HIVEP3: variants seen among roughly 807,000 people sequenced by gnomAD.
The protein encoded by HIVEP3 is transcription factor HIVEP3.
Under a neutral mutation model 152.8 loss-of-function variants are expected in HIVEP3, and 49 were observed. That is an observed-to-expected ratio of 0.32 (90% CI 0.26 to 0.41). The LOEUF (loss-of-function observed/expected upper bound fraction) is 0.41, where lower values mean the gene tolerates loss of function less well. HIVEP3 is among the 10% of genes least tolerant of loss of function. The probability of loss-of-function intolerance (pLI) is 1.00; values close to 1 mark genes in which losing one functional copy is unlikely to be tolerated. For synonymous variants in HIVEP3, 1,269 were observed against 1,289.0 expected, an observed-to-expected ratio of 0.98 and a Z score of 0.33; for missense variants, 2,790 against 3,103.3, an observed-to-expected ratio of 0.90 and a Z score of 2.40.
At chr1:41,935,067 G>C (rs1406402266) in intron 1 of HIVEP3, among the ~76,000 whole-genome samples, 1 of 151,946 alleles carries the variant, frequency 6.6e-6, no homozygotes, top group Non-Finnish European at 1.5e-5. Flanking sequence ...TTTCCCCAAA[G>C]GTAAGTCTTG....
At chr1:41,712,526 C>T (rs911011911) in intron 1 of HIVEP3, among the ~76,000 whole-genome samples, 21 of 152,210 alleles carry the variant, frequency 1.4e-4, no homozygotes, top group African/African-American at 4.8e-4. Flanking sequence ...CTGTGGCTGG[C>T]CGATGGTTTA....
At chr1:41,903,623 C>T (rs538200051) in intron 1 of HIVEP3, among the ~76,000 whole-genome samples, 1 of 152,340 alleles carries the variant, frequency 6.6e-6, no homozygotes, top group East Asian at 1.9e-4. Flanking sequence ...CAAAAAGCAT[C>T]TGTCCTTGTT....
chr1:41,728,861 G>A (rs1646796319), intron 1 of HIVEP3, among the ~76,000 whole-genome samples: 1 of 152,172 alleles, frequency 6.6e-6, no homozygotes, highest in Admixed American at 6.5e-5. Flanking sequence ...CACAGGCTAG[G>A]GTCCCAGAGA....
intron 2 of HIVEP3, among the ~76,000 whole-genome samples, chr1:41,685,812 C>T (rs899380503): frequency 1.7e-4 from 26 of 152,156 alleles, no homozygotes; most frequent in African/African-American, 5.6e-4. Context: ...TCTCAATAAC[C>T]AGCACCAGGA....
At chr1:41,952,943 G>A (rs1242415948) in intron 1 of HIVEP3, among the ~76,000 whole-genome samples, 1 of 152,086 alleles carries the variant, frequency 6.6e-6, no homozygotes, top group Non-Finnish European at 1.5e-5. Context: ...TCCTTCTCAT[G>A]AGCAATCGAC....
intron 5 of HIVEP3, among the ~76,000 whole-genome samples, chr1:41,544,829 C>T (rs1443575461): frequency 1.1e-4 from 8 of 72,954 alleles, no homozygotes; most frequent in South Asian, 9.2e-4. Context: ...CTACCACCAC[C>T]ATCACCACCA....
At chr1:41,900,883 C>T (rs979861683) in intron 1 of HIVEP3, among the ~76,000 whole-genome samples, 3 of 152,068 alleles carry the variant, frequency 2.0e-5, no homozygotes, top group Admixed American at 6.5e-5. Context: ...GTGGTGCATA[C>T]CTTGGGAAGA....
At chr1:42,030,928 G>T (rs1645609354) in intron 1 of HIVEP3, among the ~76,000 whole-genome samples, 1 of 152,136 alleles carries the variant, frequency 6.6e-6, no homozygotes, top group Non-Finnish European at 1.5e-5. Context: ...AGGGAGGGTC[G>T]AAGGAGGACA....
chr1:41,743,584 T>C (rs938449745), intron 1 of HIVEP3, among the ~76,000 whole-genome samples: 2 of 152,324 alleles, frequency 1.3e-5, no homozygotes, highest in East Asian at 1.9e-4. Context: ...CCTTTCTGAA[T>C]GTCCCGTCCT....
chr1:41,591,480 T>G (rs1487356542), intron 3 of HIVEP3, among the ~76,000 whole-genome samples: 1 of 152,044 alleles, frequency 6.6e-6, no homozygotes, highest in East Asian at 1.9e-4. Context: ...GATCTGACTT[T>G]ATGGGATACT....
chr1:41,947,063 C>T (rs1293099299), intron 1 of HIVEP3, among the ~76,000 whole-genome samples: 2 of 152,134 alleles, frequency 1.3e-5, no homozygotes, highest in Non-Finnish European at 2.9e-5. Context: ...TTTCTGCATC[C>T]CTGTACTTCT....
chr1:41,832,795 A>G (rs1643001983), intron 1 of HIVEP3, among the ~76,000 whole-genome samples: 1 of 152,244 alleles, frequency 6.6e-6, no homozygotes. Context: ...ACTGCCTAAT[A>G]CACCCTCAAA....
intron 5 of HIVEP3, among the ~76,000 whole-genome samples, chr1:41,561,245 C>G (rs1260584745): frequency 2.6e-5 from 4 of 152,156 alleles, no homozygotes; most frequent in Non-Finnish European, 5.9e-5. Flanking sequence ...AGCTGGGACT[C>G]AAACCCCAGT....
chr1:41,985,468 T>G (rs79521789), intron 1 of HIVEP3, among the ~76,000 whole-genome samples: 1,698 of 152,318 alleles, frequency 0.011, 33 homozygotes, highest in African/African-American at 0.039. Flanking sequence ...GATGGCCACC[T>G]TCTTGCTGTG....
chr1:41,703,488 A>T (rs1311866835), intron 1 of HIVEP3, among the ~76,000 whole-genome samples: 1 of 152,008 alleles, frequency 6.6e-6, no homozygotes, highest in Non-Finnish European at 1.5e-5. Context: ...AAATTACTTA[A>T]CCTCTCTGTG....
intron 1 of HIVEP3, among the ~76,000 whole-genome samples, chr1:42,031,478 T>C (rs988314548): frequency 6.6e-6 from 1 of 152,218 alleles, no homozygotes; most frequent in Non-Finnish European, 1.5e-5. Flanking sequence ...CTGTTAAGAT[T>C]TGGGGCTGAA....
intron 1 of HIVEP3, among the ~76,000 whole-genome samples, chr1:41,764,932 T>C (rs1416157034): frequency 6.6e-6 from 1 of 152,172 alleles, no homozygotes; most frequent in African/African-American, 2.4e-5. Flanking sequence ...AGGGCCATCA[T>C]CACAGGTGGG....
chr1:41,630,921 A>G (rs1645185229), intron 2 of HIVEP3, among the ~76,000 whole-genome samples: 2 of 152,222 alleles, frequency 1.3e-5, no homozygotes, highest in Non-Finnish European at 2.9e-5. Context: ...TAGACATAAA[A>G]GCATATTGTA....
chr1:41,548,349 T>C (rs1643854507), intron 5 of HIVEP3, among the ~76,000 whole-genome samples: 1 of 152,332 alleles, frequency 6.6e-6, no homozygotes, highest in Admixed American at 6.5e-5. Context: ...ACCACATGCC[T>C]GCGCTCTTGG....
Sources: gnomAD v4.1 joint callset for allele counts (sites outside exome capture counted in the v4.1 genomes callset) on GRCh38, gnomAD v4.1.1 for gene constraint, MANE v1.5 for transcripts, NCBI Gene and HGNC (gene_info 2026-07-23, HGNC 2026-07-21) for gene names.